Variants in NTM observed in about 807,000 individuals in gnomAD.
NTM encodes the protein IgLON family member 2.
NTM carries 13 observed loss-of-function variants against 42.1 expected under a neutral mutation model. The ratio of observed to expected loss-of-function variants is 0.31; its 90% CI spans 0.20 to 0.49. The LOEUF (loss-of-function observed/expected upper bound fraction) is 0.49, where lower values mean the gene tolerates loss of function less well. NTM is among the 20% of genes least tolerant of loss of function. NTM has a pLI of 0.99. For synonymous variants in NTM, 187 were observed against 179.2 expected, an observed-to-expected ratio of 1.04 and a Z score of -0.35; for missense variants, 373 against 452.8, an observed-to-expected ratio of 0.82 and a Z score of 1.60.
intron 1 of NTM, among the ~76,000 whole-genome samples, chr11:131,519,588 G>T (rs973605001): frequency 1.4e-4 from 21 of 148,812 alleles, no homozygotes; most frequent in Middle Eastern, 3.6e-3. Flanking sequence ...TTATTTCTGG[G>T]TTAGCACCTG....
intron 1 of NTM, among the ~76,000 whole-genome samples, chr11:131,526,812 G>C (rs1028464733): frequency 2.6e-5 from 4 of 152,160 alleles, no homozygotes; most frequent in Admixed American, 6.5e-5. Context: ...TGGAGCAGAG[G>C]GAAAAGTTAT....
At chr11:132,048,131 G>A (rs908925630) in intron 2 of NTM, among the ~76,000 whole-genome samples, 1 of 151,864 alleles carries the variant, frequency 6.6e-6, no homozygotes, top group African/African-American at 2.4e-5. Context: ...TCTTTTGGAT[G>A]AGCTCAAAAT....
intron 1 of NTM, among the ~76,000 whole-genome samples, chr11:131,851,024 G>A (rs1250508919): frequency 1.3e-5 from 2 of 152,002 alleles, no homozygotes; most frequent in Non-Finnish European, 2.9e-5. Context: ...GCTGAGCTTG[G>A]GCCCTCCTGA....
At chr11:131,696,417 G>A (rs2075446740) in intron 1 of NTM, among the ~76,000 whole-genome samples, 1 of 152,174 alleles carries the variant, frequency 6.6e-6, no homozygotes, top group Non-Finnish European at 1.5e-5. Context: ...GCTCCAAAGA[G>A]GAAGACATAT....
At chr11:131,571,211 T>C (rs1211049357) in intron 1 of NTM, among the ~76,000 whole-genome samples, 1 of 152,252 alleles carries the variant, frequency 6.6e-6, no homozygotes, top group African/African-American at 2.4e-5. Flanking sequence ...TAATTAACCA[T>C]GCTTTTTTAT....
At chr11:131,512,341 C>T (rs1245444169) in intron 1 of NTM, among the ~76,000 whole-genome samples, 1 of 152,252 alleles carries the variant, frequency 6.6e-6, no homozygotes, top group Non-Finnish European at 1.5e-5. Flanking sequence ...CCAGCTCCTA[C>T]TGCAAGGCCT....
At position 132,140,812 on chromosome 11, in the gene NTM, C is replaced by T. The variant is rs551739092; in HGVS notation, c.168-5470C>T. On this transcript the variant is annotated intron_variant, in intron 2 of 8. Coordinates refer to ENST00000683400, the MANE Select transcript of NTM (RefSeq NM_001352005.2). The stretch of plus-strand genomic sequence containing the variant: ...GAGCCATTTGCGTCGTGATGTTCCC[C>T]TATGATGCTTGAGGGGAGGGGCAGG... 1.6e-4 allele frequency among the ~76,000 whole-genome samples: 25 copies of T among 152,310 alleles called. 1 individual carries two copies. Among genetic ancestry groups the T allele is most frequent in the African/African-American group, 5.3e-4 (22 of 41,566 alleles).
chr11:131,503,368 C>A (rs73572360), intron 1 of NTM, among the ~76,000 whole-genome samples: 7,005 of 152,094 alleles, frequency 0.046, 554 homozygotes, highest in African/African-American at 0.16. Context: ...GTTGCAGTTT[C>A]CATCTGATTG....
chr11:132,008,007 G>A (rs140448395), intron 2 of NTM, among the ~76,000 whole-genome samples: 7 of 152,248 alleles, frequency 4.6e-5, no homozygotes, highest in Admixed American at 6.5e-5. Context: ...TTAGGTGGGC[G>A]TTGCTTCGAT....
At chr11:131,507,836 A>T (rs1311997096) in intron 1 of NTM, among the ~76,000 whole-genome samples, 2 of 151,036 alleles carry the variant, frequency 1.3e-5, no homozygotes, top group African/African-American at 4.9e-5. Flanking sequence ...ATGGGAGTTC[A>T]CTCATGATTT....
chr11:131,928,830 G>A (rs1192019415), intron 2 of NTM, among the ~76,000 whole-genome samples: 1 of 152,208 alleles, frequency 6.6e-6, no homozygotes, highest in Admixed American at 6.5e-5. Context: ...TAGCCTGGTT[G>A]CATTTTCCAC....
chr11:132,254,491 G>A (rs755351932), intron 4 of NTM, among the ~76,000 whole-genome samples: 1 of 151,796 alleles, frequency 6.6e-6, no homozygotes, highest in Non-Finnish European at 1.5e-5. Context: ...CAGCTGCTCA[G>A]TCCTCCTAAG....
intron 1 of NTM, among the ~76,000 whole-genome samples, chr11:131,574,041 C>T (rs189205664): frequency 6.6e-6 from 1 of 152,310 alleles, no homozygotes; most frequent in African/African-American, 2.4e-5. Context: ...CTCATGGCTT[C>T]AGCACGTGGG....
intron 1 of NTM, among the ~76,000 whole-genome samples, chr11:131,456,019 T>C (rs997402708): frequency 3.3e-5 from 5 of 152,260 alleles, no homozygotes; most frequent in African/African-American, 1.2e-4. Flanking sequence ...TAGCAAAGTC[T>C]TGACCCATTT....
chr11:131,740,692 C>T (rs1446072658), intron 1 of NTM, among the ~76,000 whole-genome samples: 2 of 152,120 alleles, frequency 1.3e-5, no homozygotes, highest in Non-Finnish European at 2.9e-5. Flanking sequence ...TCTTTCCTCT[C>T]CATGCAGTAA....
chr11:132,316,956 C>CTTCTTGATGAAGT (rs1394465899), intron 7 of NTM, among the ~76,000 whole-genome samples: 1 of 152,238 alleles, frequency 6.6e-6, no homozygotes, highest in Non-Finnish European at 1.5e-5. Context: ...AATATACAAA[C>CTTCTTGATGAAGT]TTCTTGATGA....
intron 1 of NTM, among the ~76,000 whole-genome samples, chr11:131,561,984 C>A (rs2056292273): frequency 6.6e-6 from 1 of 152,314 alleles, no homozygotes; most frequent in South Asian, 2.1e-4. Flanking sequence ...GGAAGCCACT[C>A]TCTGTGATTT....
intron 1 of NTM, among the ~76,000 whole-genome samples, chr11:131,614,551 C>A (rs559939980): frequency 1.3e-5 from 2 of 152,320 alleles, no homozygotes; most frequent in Non-Finnish European, 2.9e-5. Flanking sequence ...GCCCATGGGG[C>A]AGGGGTGCAG....
At chr11:132,195,213 A>G (rs1027307942) in intron 3 of NTM, among the ~76,000 whole-genome samples, 60 of 152,164 alleles carry the variant, frequency 3.9e-4, no homozygotes, top group African/African-American at 1.4e-3. Context: ...CAAAAAGAGT[A>G]AGATACCTAG....
Sources: allele counts gnomAD v4.1 joint callset (sites outside exome capture counted in the v4.1 genomes callset), GRCh38; gene constraint gnomAD v4.1.1; transcripts MANE v1.5; gene names NCBI Gene and HGNC (gene_info 2026-07-23, HGNC 2026-07-21).